Variants in USP53 observed in about 807,000 individuals in gnomAD.
USP53 encodes ubiquitin carboxyl-terminal hydrolase 53.
Under a neutral mutation model 94.9 loss-of-function variants are expected in USP53, and 71 were observed. The ratio of observed to expected loss-of-function variants is 0.75; its 90% CI spans 0.62 to 0.91. USP53 has a LOEUF of 0.91. Among genes scored for constraint, USP53 ranks in the 40% least tolerant of loss-of-function variants. The probability of loss-of-function intolerance (pLI) is 0.00; values close to 1 mark genes in which losing one functional copy is unlikely to be tolerated. For missense variants in USP53, 1,173 were observed against 1,281.0 expected (o/e 0.92, Z 1.29); for synonymous variants, 375 against 422.7 (o/e 0.89, Z 1.39).
At position 119,216,131 on chromosome 4, in the gene USP53, G is replaced by A. The variant is rs528166441; in HGVS notation, c.-788-1419G>A. The stretch of plus-strand genomic sequence containing the variant: ...GCTGTGGCTCACGCCTGTAATCCTA[G>A]CACTTTGGGAGGCTGAGGCAGGCGG... On this transcript the variant is annotated intron_variant, in intron 2 of 18. Coordinates refer to ENST00000692078, the MANE Select transcript of USP53 (RefSeq NM_001371395.1). Among the ~76,000 whole-genome samples, 7 of 152,116 alleles carry A rather than the reference G, an allele frequency of 4.6e-5. 1 individual carries two copies. The highest frequency in any genetic ancestry group is 1.0e-4 in the Non-Finnish European group (7 of 68,028).
chr4:119,249,897 C>G (rs1362133927), intron 7 of USP53, among the ~76,000 whole-genome samples: 1 of 152,050 alleles, frequency 6.6e-6, no homozygotes, highest in Non-Finnish European at 1.5e-5. Flanking sequence ...ATCTCCTGAC[C>G]TCGTGATCTG....
chr4:119,225,318 A>G lies in USP53; in HGVS notation c.-665+7645A>G, dbSNP rs28867387. 2.8e-3 allele frequency among the ~76,000 whole-genome samples: 426 copies of G among 152,348 alleles called. 2 individuals carry two copies. Among genetic ancestry groups the G allele is most frequent in the African/African-American group, 9.8e-3 (406 of 41,584 alleles). On this transcript the variant is annotated intron_variant, in intron 3 of 18. Transcript: ENST00000692078. ...GTGATTTAAAATATTCCCATAAAGA[A>G]AATTCTAGGCCCAGATAGTGCTACT...
In USP53 at chr4:119,218,551, A is replaced by G. The variant is rs375618714; in HGVS notation, c.-665+878A>G. The stretch of plus-strand genomic sequence containing the variant: ...TTACTGTTTTTTTGTTGGCAGTATT[A>G]TAGTCTTTTTTCTTATTAATTTTAT... On this transcript the variant is annotated intron_variant, in intron 3 of 18. Coordinates refer to ENST00000692078, the MANE Select transcript of USP53 (RefSeq NM_001371395.1). 3.9e-5 allele frequency: 6 copies of G among 152,176 alleles called. No homozygotes were observed. The East Asian group carries it at 5.8e-4, about 15-fold the overall frequency. The allele number at this position is 152,176 out of a possible 1,614,324, so 9.4% of individuals were successfully genotyped here. A position where few individuals can be genotyped will look rare whatever the true frequency, so the allele number is the denominator to read the frequency against.
At position 119,291,181 on chromosome 4, in the gene USP53, C is replaced by G; in HGVS notation, c.2268C>G (p.Leu756=). The part of the protein sequence containing the change: ...QHHLEGFRKE[L]RNLEAGYKSH... ...CAACCCTAGGCTTTAGAAAAGAACT[C>G]AGGAATTTGGAAGCAGGCTATAAAT... The change falls in exon 18 of 19, where the codon CTC becomes CTG. Residue 756 remains leucine (L), a synonymous_variant. Coordinates refer to ENST00000692078, the MANE Select transcript of USP53 (RefSeq NM_001371395.1). 3 of 928,236 alleles carry G rather than the reference C, an allele frequency of 3.2e-6. No homozygotes were observed. The highest frequency in any genetic ancestry group is 3.1e-6 in the Non-Finnish European group (2 of 642,536). 57.5% of individuals were successfully genotyped at this position (928,236 alleles called of 1,614,324 possible).
At chr4:119,273,855 T>C in intron 17 of USP53, 147 bp downstream of exon 17, 3 of 616,460 alleles carry the variant, frequency 4.9e-6, no homozygotes, top group Non-Finnish European at 8.3e-6. Context: ...CAAGTTTTAT[T>C]AAGTTAATAT....
chr4:119,269,889 A>T, intron 15 of USP53, 52 bp downstream of exon 15: 1 of 1,222,026 alleles, frequency 8.2e-7, no homozygotes. Flanking sequence ...TAAAAATCTT[A>T]TTTTAAAACT....
intron 3 of USP53, chr4:119,220,337 T>G (rs1422386412): frequency 6.6e-6 from 1 of 152,152 alleles, no homozygotes; most frequent in Non-Finnish European, 1.5e-5. Flanking sequence ...ATTAACTCTT[T>G]TAGGAAAAAG....
intron 3 of USP53, among the ~76,000 whole-genome samples, chr4:119,232,981 A>G (rs928187648): frequency 6.6e-6 from 1 of 151,862 alleles, no homozygotes; most frequent in Non-Finnish European, 1.5e-5. Flanking sequence ...TCTCTTTTCC[A>G]TTTTCTTCTA....
At chr4:119,218,197 A>G (rs958240365) in intron 3 of USP53, 3 of 152,214 alleles carry the variant, frequency 2.0e-5, no homozygotes, top group Non-Finnish European at 4.4e-5. Context: ...AACTGGAAAG[A>G]TAAAGTTGCC....
chr4:119,266,995 T>C (rs1035375001), intron 12 of USP53, among the ~76,000 whole-genome samples: 1 of 152,222 alleles, frequency 6.6e-6, no homozygotes, highest in Admixed American at 6.5e-5. Context: ...GCACCATTTG[T>C]TGAGCTGACT....
chr4:119,213,555 A>G (rs1743171830), intron 1 of USP53, among the ~76,000 whole-genome samples: 1 of 151,524 alleles, frequency 6.6e-6, no homozygotes, highest in Admixed American at 6.6e-5. Flanking sequence ...TAACCCTGCT[A>G]CAAGGTTTTC....
chr4:119,292,761 G>C lies in USP53; in HGVS notation c.2772G>C (p.Leu924Phe), dbSNP rs1578591439. The change falls in exon 19 of 19, where the codon TTG becomes TTC. Residue 924 changes from leucine (L) to phenylalanine (F), a missense_variant. Transcript: ENST00000692078. Reference sequence around the variant, plus strand: ...TTTGCCAGAATCTACCACCCCCTTTGCCACCAAAGAAATATGCTATAACCA... The same window carrying C: ...TTTGCCAGAATCTACCACCCCCTTTCCCACCAAAGAAATATGCTATAACCA... ...KLFCQNLPPP[L>F]PPKKYAITSV... The C allele has an allele frequency of 2.5e-6, 4 of 1,613,864 alleles. No homozygotes were observed. The highest frequency in any genetic ancestry group is 3.4e-6 in the Non-Finnish European group (4 of 1,179,958).
intron 3 of USP53, chr4:119,218,578 T>C (rs147087356): frequency 6.6e-6 from 1 of 152,314 alleles, no homozygotes; most frequent in African/African-American, 2.4e-5. Flanking sequence ...TAATTTTATT[T>C]TCTGTGTTTT....
rs750874779 is a variant in USP53, at chr4:119,268,416, AC to A, written c.1286del (p.Pro429GlnfsTer4). ...SHSHTGVGKG[P>X]AKLSHIDQRE... Reference sequence around the variant, plus strand: ...ACAGTCACACAGGTGTAGGGAAAGGACCAGGTATGTGTTTAAATTGTCATTT... The same window carrying A: ...ACAGTCACACAGGTGTAGGGAAAGGACAGGTATGTGTTTAAATTGTCATTT... On this transcript the variant is annotated frameshift_variant, in exon 14 of 19. Coordinates refer to ENST00000692078, the MANE Select transcript of USP53 (RefSeq NM_001371395.1). LOFTEE classifies it high-confidence loss of function. The A allele has an allele frequency of 1.9e-6, 3 of 1,607,282 alleles. No homozygotes were observed. Among genetic ancestry groups the A allele is most frequent in the Admixed American group, 1.7e-5 (1 of 58,246 alleles).
At chr4:119,229,767 A>G (rs1745804372) in intron 3 of USP53, among the ~76,000 whole-genome samples, 1 of 152,128 alleles carries the variant, frequency 6.6e-6, no homozygotes, top group South Asian at 2.1e-4. Context: ...CCTCAAATTC[A>G]TCTTATTCAT....
intron 11 of USP53, among the ~76,000 whole-genome samples, chr4:119,260,937 C>A (rs1750415161): frequency 1.4e-5 from 2 of 143,644 alleles, no homozygotes; most frequent in Admixed American, 7.4e-5. Flanking sequence ...TCATCTAAAG[C>A]ACTGATCTCT....
intron 9 of USP53, among the ~76,000 whole-genome samples, chr4:119,256,832 C>T (rs111467082): frequency 9.9e-5 from 15 of 152,234 alleles, no homozygotes; most frequent in African/African-American, 3.6e-4. Flanking sequence ...TGGAACTATA[C>T]ATGGTTGCTT....
chr4:119,289,184 T>C (rs1754459123), intron 17 of USP53, among the ~76,000 whole-genome samples: 1 of 152,142 alleles, frequency 6.6e-6, no homozygotes, highest in South Asian at 2.1e-4. Context: ...TTTCCTCATA[T>C]AGAATAACAA....
rs116633345 is a variant in USP53, at chr4:119,250,704, G to A, written c.372+1822G>A. On this transcript the variant is annotated intron_variant, in intron 7 of 18. Coordinates refer to ENST00000692078, the MANE Select transcript of USP53 (RefSeq NM_001371395.1). ...CCTGGGGCAGAGGAGAGAGAAGTTA[G>A]CTAATGAATAGAATCCATTGGTTAA... 2.6e-3 allele frequency among the ~76,000 whole-genome samples: 391 copies of A among 152,272 alleles called. 2 individuals carry two copies. The highest frequency in any genetic ancestry group is 9.1e-3 in the African/African-American group (377 of 41,556).
Sources: gnomAD v4.1 joint callset for allele counts (sites outside exome capture counted in the v4.1 genomes callset) on GRCh38, gnomAD v4.1.1 for gene constraint, MANE v1.5 for transcripts, NCBI Gene and HGNC (gene_info 2026-07-23, HGNC 2026-07-21) for gene names.